The following ELMO1 variants were observed in gnomAD, a reference collection of about 807,000 sequenced individuals.
The protein encoded by ELMO1 is engulfment and cell motility protein 1.
ELMO1 carries 26 observed loss-of-function variants against 98.9 expected under a neutral mutation model. The observed-to-expected ratio is 0.26, with a 90% CI of 0.19 to 0.36. The LOEUF (loss-of-function observed/expected upper bound fraction) is 0.36. Among genes scored for constraint, ELMO1 ranks in the 10% least tolerant of loss-of-function variants. The probability of loss-of-function intolerance (pLI) is 1.00; values close to 1 mark genes in which losing one functional copy is unlikely to be tolerated. For missense variants in ELMO1, 627 were observed against 935.2 expected (o/e 0.67, Z 4.30); for synonymous variants, 346 against 346.0 (o/e 1.00, Z 0.00).
intron 4 of ELMO1, among the ~76,000 whole-genome samples, chr7:37,301,527 G>A (rs1798344571): frequency 6.6e-6 from 1 of 151,996 alleles, no homozygotes; most frequent in South Asian, 2.1e-4. Context: ...GCCATTCCCA[G>A]AGACAGTAAA....
chr7:37,013,595 C>T, intron 15 of ELMO1, 160 bp from the exon 16 acceptor site: 1 of 783,216 alleles, frequency 1.3e-6, no homozygotes, highest in African/African-American at 1.8e-5. Flanking sequence ...CAAAGGATGG[C>T]CCCCATACAA....
intron 16 of ELMO1, among the ~76,000 whole-genome samples, chr7:36,996,609 T>C (rs138748757): frequency 1.7e-4 from 26 of 152,266 alleles, no homozygotes; most frequent in African/African-American, 2.9e-4. Flanking sequence ...AAATCAAAGA[T>C]AATTGGCTAA....
chr7:37,011,841 G>T (rs575466164), intron 16 of ELMO1, among the ~76,000 whole-genome samples: 13 of 152,300 alleles, frequency 8.5e-5, no homozygotes, highest in African/African-American at 3.1e-4. Flanking sequence ...AGGCCTCCCT[G>T]CTCCTCCTTC....
At chr7:36,862,421 G>A (rs183284196) in intron 20 of ELMO1, among the ~76,000 whole-genome samples, 42 of 152,326 alleles carry the variant, frequency 2.8e-4, no homozygotes, top group African/African-American at 9.6e-4. Flanking sequence ...CGGAGTGCAC[G>A]CAATGAGCCA....
At chr7:37,123,123 C>T (rs920289680) in intron 14 of ELMO1, among the ~76,000 whole-genome samples, 1 of 152,024 alleles carries the variant, frequency 6.6e-6, no homozygotes, top group African/African-American at 2.4e-5. Context: ...ATCTCTGGGA[C>T]ACATTTAAAG....
intron 16 of ELMO1, chr7:36,997,753 G>C (rs904600902): frequency 6.6e-6 from 1 of 152,578 alleles, no homozygotes; most frequent in African/African-American, 2.4e-5. Flanking sequence ...TGGTAGGAGA[G>C]GAAAAGAGGA....
intron 4 of ELMO1, among the ~76,000 whole-genome samples, chr7:37,304,716 C>CA (rs1798518654): frequency 6.6e-6 from 1 of 151,878 alleles, no homozygotes; most frequent in Admixed American, 6.6e-5. Context: ...ACTCTGTCTC[C>CA]AAAAAAATAG....
intron 15 of ELMO1, among the ~76,000 whole-genome samples, chr7:37,075,424 G>A (rs2129229052): frequency 6.6e-6 from 1 of 152,094 alleles, no homozygotes; most frequent in South Asian, 2.1e-4. Context: ...CAAAGTGCTA[G>A]GGTTACAGGC....
At chr7:36,921,293 C>T (rs902096400) in intron 16 of ELMO1, among the ~76,000 whole-genome samples, 24 of 152,230 alleles carry the variant, frequency 1.6e-4, no homozygotes, top group African/African-American at 5.8e-4. Context: ...GGCAGGCCCA[C>T]TGGACCAAAT....
At chr7:37,276,778 C>T (rs1193527410) in intron 4 of ELMO1, among the ~76,000 whole-genome samples, 1 of 152,182 alleles carries the variant, frequency 6.6e-6, no homozygotes, top group East Asian at 1.9e-4. Context: ...AAATGCATAC[C>T]TCTTCTGTAA....
chr7:36,915,488 A>G (rs1332771166), intron 16 of ELMO1, among the ~76,000 whole-genome samples: 3 of 152,226 alleles, frequency 2.0e-5, no homozygotes, highest in African/African-American at 4.8e-5. Context: ...GATCACATTC[A>G]GCCCCCATTC....
At chr7:36,930,099 A>T (rs1207580961) in intron 16 of ELMO1, among the ~76,000 whole-genome samples, 2 of 152,220 alleles carry the variant, frequency 1.3e-5, no homozygotes, top group African/African-American at 4.8e-5. Context: ...CTGAGGAGTC[A>T]TGAGCTCATT....
At chr7:37,308,094 C>A (rs1393692333) in intron 4 of ELMO1, among the ~76,000 whole-genome samples, 1 of 152,104 alleles carries the variant, frequency 6.6e-6, no homozygotes, top group Non-Finnish European at 1.5e-5. Flanking sequence ...GCCTGCCCGA[C>A]AGAGCAAGAC....
At chr7:37,137,152 C>A (rs1787318275) in intron 13 of ELMO1, among the ~76,000 whole-genome samples, 1 of 152,082 alleles carries the variant, frequency 6.6e-6, no homozygotes. Flanking sequence ...AACTTTAAAG[C>A]AACAGCAGTT....
intron 15 of ELMO1, among the ~76,000 whole-genome samples, chr7:37,046,210 AT>A (rs1414030480): frequency 2.0e-5 from 3 of 152,276 alleles, no homozygotes; most frequent in African/African-American, 7.2e-5. Context: ...TATAGAGAAT[AT>A]GTATAACTAT....
chr7:37,441,000 C>CAA (rs201646447), intron 1 of ELMO1, among the ~76,000 whole-genome samples: 1 of 147,104 alleles, frequency 6.8e-6, no homozygotes, highest in Non-Finnish European at 1.5e-5. Flanking sequence ...AGACCAAAAA[C>CAA]AAAAAAAAAA....
At chr7:37,026,971 C>T (rs1794616143) in intron 15 of ELMO1, among the ~76,000 whole-genome samples, 1 of 152,154 alleles carries the variant, frequency 6.6e-6, no homozygotes, top group Admixed American at 6.5e-5. Context: ...ACATGCTTTT[C>T]TTCTATGTGG....
chr7:37,095,917 A>C (rs1351469240), intron 15 of ELMO1, among the ~76,000 whole-genome samples: 1 of 152,218 alleles, frequency 6.6e-6, no homozygotes, highest in Non-Finnish European at 1.5e-5. Flanking sequence ...GTTGGATGGA[A>C]TGGAAGTAAA....
intron 16 of ELMO1, among the ~76,000 whole-genome samples, chr7:36,943,641 T>C (rs1005684302): frequency 1.3e-5 from 2 of 152,252 alleles, no homozygotes; most frequent in African/African-American, 4.8e-5. Flanking sequence ...ATTTAATGCT[T>C]CGAATAAGTG....
Sources: gnomAD v4.1 joint callset for allele counts (sites outside exome capture counted in the v4.1 genomes callset) on GRCh38, gnomAD v4.1.1 for gene constraint, MANE v1.5 for transcripts, NCBI Gene and HGNC (gene_info 2026-07-23, HGNC 2026-07-21) for gene names.